The following HECTD4 variants were observed in gnomAD, a reference collection of about 807,000 sequenced individuals.
HECTD4 encodes HECT domain E3 ubiquitin protein ligase 4.
In HECTD4, 114 loss-of-function variants were observed where a neutral mutation model predicts 471.5. The ratio of observed to expected loss-of-function variants is 0.24; its 90% CI spans 0.21 to 0.28. The LOEUF is 0.28. Ranked by LOEUF, HECTD4 falls within the 10% of genes least tolerant of loss-of-function variation. The probability of loss-of-function intolerance (pLI) is 1.00; values close to 1 mark genes in which losing one functional copy is unlikely to be tolerated. For missense variants in HECTD4, 3,866 were observed against 5,651.5 expected (o/e 0.68, Z 10.13); for synonymous variants, 2,012 against 2,256.0 (o/e 0.89, Z 3.07).
Position 112,166,040 on chromosome 12 carries a change from C to G in HECTD4, c.12534+1277G>C, listed in dbSNP as rs930541847. ...ACCATGTGGTTCTGCATCCCATACC[C>G]TCTGGGGCCTTGGCCATCCCTGTAG... On this transcript the variant is annotated intron_variant, in intron 72 of 75. Coordinates refer to ENST00000682272, the MANE Select transcript of HECTD4 (RefSeq NM_001388303.1). The surrounding 1 kb of genome is among the most constrained non-coding windows in gnomAD (Gnocchi z 4.6). 4 of 152,454 alleles carry G rather than the reference C, an allele frequency of 2.6e-5. No homozygotes were observed. Among genetic ancestry groups the G allele is most frequent in the African/African-American group, 7.2e-5 (3 of 41,460 alleles). The allele number at this position is 152,454 out of a possible 1,614,324, so 9.4% of individuals were successfully genotyped here.
At chr12:112,200,884 CGTGTGTGTGTGT>C (rs3835014) in intron 54 of HECTD4, 86 bp from the exon 55 acceptor site, 3 of 698,660 alleles carry the variant, frequency 4.3e-6, no homozygotes, top group East Asian at 3.0e-5. Context: ...TGCGTGCGTG[CGTGTGTGTGTGT>C]GTGTGTGTGT....
At chr12:112,201,847 T>C (rs2032439225) in intron 54 of HECTD4, among the ~76,000 whole-genome samples, 1 of 152,204 alleles carries the variant, frequency 6.6e-6, no homozygotes, top group South Asian at 2.1e-4. Context: ...ATTTTATTTC[T>C]AGGAAAATAA....
At chr12:112,169,763 C>G (rs778672980) in intron 69 of HECTD4, 105 bp from the exon 70 acceptor site, 1 of 1,330,296 alleles carries the variant, frequency 7.5e-7, no homozygotes, top group Non-Finnish European at 1.1e-6. Flanking sequence ...GTCCCTGGAC[C>G]CCTGCTCCCT....
intron 52 of HECTD4, among the ~76,000 whole-genome samples, chr12:112,205,025 C>T (rs999642981): frequency 5.4e-5 from 8 of 148,554 alleles, no homozygotes; most frequent in African/African-American, 1.0e-4. Flanking sequence ...CCCAGCTACT[C>T]GGGAGGTTGA....
chr12:112,340,334 T>C (rs1205249441), intron 1 of HECTD4, among the ~76,000 whole-genome samples: 1 of 152,158 alleles, frequency 6.6e-6, no homozygotes, highest in African/African-American at 2.4e-5. Flanking sequence ...TTCACATTTT[T>C]AGAAACAGTG....
At position 112,232,792 on chromosome 12, in the gene HECTD4, T is replaced by A. The variant is rs935906912; in HGVS notation, c.5997+212A>T. Among the ~76,000 whole-genome samples, 6 of 152,218 alleles carry A rather than the reference T, an allele frequency of 3.9e-5. No individual in the cohort carries two copies. In the South Asian group the frequency reaches 1.2e-3, roughly 31 times the overall value. On this transcript the variant is annotated intron_variant, in intron 38 of 75. Coordinates refer to ENST00000682272, the MANE Select transcript of HECTD4 (RefSeq NM_001388303.1). The stretch of plus-strand genomic sequence containing the variant: ...CTTAAAAGAGCTAAGAAAAAATTTC[T>A]AGGTCAAAACTAAAAGTTTTGATTT...
intron 7 of HECTD4, among the ~76,000 whole-genome samples, chr12:112,287,138 C>G (rs1474468899): frequency 6.6e-6 from 1 of 152,140 alleles, no homozygotes; most frequent in African/African-American, 2.4e-5. Context: ...CCTTATGTGC[C>G]CCGCAAGCTA....
intron 18 of HECTD4, among the ~76,000 whole-genome samples, chr12:112,260,031 ATGT>A (rs1208242700): frequency 1.3e-5 from 2 of 151,636 alleles, no homozygotes; most frequent in South Asian, 2.1e-4. Flanking sequence ...TTATTAAATA[ATGT>A]TGTGCAACCA....
At chr12:112,269,930 G>T in intron 12 of HECTD4, 81 bp from the exon 13 acceptor site, 1 of 1,212,612 alleles carries the variant, frequency 8.2e-7, no homozygotes, top group Non-Finnish European at 1.2e-6. Flanking sequence ...GTACATGGTA[G>T]ATATCCTATG....
At chr12:112,230,354 T>C (rs964824660) in intron 40 of HECTD4, among the ~76,000 whole-genome samples, 6 of 152,160 alleles carry the variant, frequency 3.9e-5, no homozygotes. Context: ...TTGGACTTAG[T>C]GAGTACACTT....
chr12:112,184,680 T>C lies in HECTD4; in HGVS notation c.10286A>G (p.Lys3429Arg), dbSNP rs769203238. 5 of 1,606,374 alleles carry C rather than the reference T, an allele frequency of 3.1e-6. No homozygotes were observed. In the East Asian group the frequency reaches 1.1e-4, roughly 36 times the overall value. ...KACNAHGGVFKDEIYIPLQEE... is the reference protein window; with the variant it reads ...KACNAHGGVFRDEIYIPLQEE... ...CTGCAGCGGGATGTAGATCTCGTCT[T>C]TGAAGACCCCGCCGTGGGCGTTGCA... Residue 3429 changes from lysine (K) to arginine (R), a missense_variant, in exon 61 of 76, where the codon AAA becomes AGA. Lys to Arg is a conservative substitution (Grantham distance 26). Around this residue, in one of 16 missense-constraint regions of HECTD4, gnomAD observed 71 missense variants for 144.5 expected, o/e 0.49. Coordinates refer to ENST00000682272, the MANE Select transcript of HECTD4 (RefSeq NM_001388303.1). This position sits in a 1 kb window ranked among gnomAD's most constrained non-coding sequence, Gnocchi z 9.1.
At chr12:112,320,189 G>C (rs929895928) in intron 1 of HECTD4, among the ~76,000 whole-genome samples, 1 of 151,558 alleles carries the variant, frequency 6.6e-6, no homozygotes, top group Non-Finnish European at 1.5e-5. Flanking sequence ...ACAAAAAATA[G>C]CCAGGCTTGG....
intron 29 of HECTD4, among the ~76,000 whole-genome samples, chr12:112,245,081 C>T (rs1374725180): frequency 1.3e-5 from 2 of 152,180 alleles, no homozygotes; most frequent in Non-Finnish European, 2.9e-5. Flanking sequence ...TGGCTTACTG[C>T]AGCCTTGAAC....
At chr12:112,312,961 A>G in intron 4 of HECTD4, 56 bp downstream of exon 4, 1 of 1,466,872 alleles carries the variant, frequency 6.8e-7, no homozygotes, top group African/African-American at 1.4e-5. Context: ...ACAGTGATCT[A>G]AAACCTCTTT....
intron 7 of HECTD4, among the ~76,000 whole-genome samples, chr12:112,286,648 C>G (rs746411688): frequency 6.6e-6 from 1 of 152,036 alleles, no homozygotes; most frequent in Non-Finnish European, 1.5e-5. Context: ...ACCATGATTG[C>G]ACCACTGCAC....
At chr12:112,297,331 T>C (rs1365018955) in intron 7 of HECTD4, among the ~76,000 whole-genome samples, 2 of 150,970 alleles carry the variant, frequency 1.3e-5, no homozygotes, top group Admixed American at 1.3e-4. Context: ...GCAGAGGGTG[T>C]AAATGCAGCA....
rs1269212452 is a variant in HECTD4, at chr12:112,179,384, C to G, written c.11001G>C (p.Val3667=). The G allele has an allele frequency of 6.2e-7, 1 of 1,611,056 alleles. No homozygotes were observed. The highest frequency in any genetic ancestry group is 8.5e-7 in the Non-Finnish European group (1 of 1,178,816). ...CCGTCAGAACCTCTCTGGCTCCGGG[C>G]ACCAGCTTCTCCCCTGTTGGATGGA... is the stretch of plus-strand genomic sequence containing the variant. ...NDKSIKGEKL[V]PGAREVLTEI... The change falls in exon 63 of 76, where the codon GTG becomes GTC. Residue 3667 remains valine (V), a synonymous_variant. Transcript: ENST00000682272. The surrounding 1 kb of genome is among the most constrained non-coding windows in gnomAD (Gnocchi z 4.3).
At chr12:112,323,966 C>CTTTCT (rs149847671) in intron 1 of HECTD4, among the ~76,000 whole-genome samples, 2 of 17,156 alleles carry the variant, frequency 1.2e-4, no homozygotes, top group African/African-American at 8.3e-4. Context: ...TTCTTTCTTT[C>CTTTCT]TTCCTTCCTT....
chr12:112,323,968 TCC>T (rs1160350279), intron 1 of HECTD4, among the ~76,000 whole-genome samples: 7,311 of 26,662 alleles, frequency 0.27, 1,846 homozygotes, highest in East Asian at 0.84. Context: ...CTTTCTTTCT[TCC>T]TTCCTTCCTT....
Sources: gnomAD v4.1 joint callset for allele counts (sites outside exome capture counted in the v4.1 genomes callset) on GRCh38, gnomAD v4.1.1 for gene constraint, gnomAD v4.1.1 regional missense constraint, Gnocchi (gnomAD v3.1) non-coding constraint, MANE v1.5 for transcripts, NCBI Gene and HGNC (gene_info 2026-07-23, HGNC 2026-07-21) for gene names.